CCDC69: variants seen among roughly 807,000 people sequenced by gnomAD.
The protein encoded by CCDC69 is coiled-coil domain-containing protein 69.
In CCDC69, 38 loss-of-function variants were observed where a neutral mutation model predicts 40.3. That is an observed-to-expected ratio of 0.94 (90% CI 0.73 to 1.24). The LOEUF (loss-of-function observed/expected upper bound fraction) is 1.24, where lower values mean the gene tolerates loss of function less well. Among genes scored for constraint, CCDC69 ranks in the 50% most tolerant of loss-of-function variants. The probability of loss-of-function intolerance (pLI) is 0.00; values close to 1 mark genes in which losing one functional copy is unlikely to be tolerated. For missense variants in CCDC69, 389 were observed against 357.9 expected (o/e 1.09, Z -0.70); for synonymous variants, 141 against 138.9 (o/e 1.02, Z -0.11).
chr5:151,204,423 C>T (rs1446729645), intron 2 of CCDC69, among the ~76,000 whole-genome samples: 1 of 152,214 alleles, frequency 6.6e-6, no homozygotes, highest in Non-Finnish European at 1.5e-5. Context: ...TCCCAACAGC[C>T]TCTAGGCTGT....
At chr5:151,212,887 C>T in intron 1 of CCDC69, 1 of 456,200 alleles carries the variant, frequency 2.2e-6, no homozygotes, top group Non-Finnish European at 4.4e-6. Context: ...CCATCACAAA[C>T]TGGTAGGCTG....
intron 2 of CCDC69, among the ~76,000 whole-genome samples, 196 bp downstream of exon 2, chr5:151,205,204 G>A (rs1313207591): frequency 6.6e-6 from 1 of 152,116 alleles, no homozygotes; most frequent in Non-Finnish European, 1.5e-5. Flanking sequence ...CACTCTAGGT[G>A]TGGTATCAAC....
chr5:151,224,044 T>C lies in CCDC69; in HGVS notation c.-74A>G. The C allele has an allele frequency of 2.2e-6, 3 of 1,343,142 alleles. No individual in the cohort carries two copies. The highest frequency in any genetic ancestry group is 3.0e-6 in the Non-Finnish European group (3 of 998,456). 83.2% of individuals were successfully genotyped at this position (1,343,142 alleles called of 1,614,324 possible). A position where few individuals can be genotyped will look rare whatever the true frequency, so the allele number is the denominator to read the frequency against. Reference sequence around the variant, plus strand: ...GAGGAGCCTGCGATCCGGGCCCCGCTGCCCGCTCCGCGCCCGCCGGCTGGG... The same window carrying C: ...GAGGAGCCTGCGATCCGGGCCCCGCCGCCCGCTCCGCGCCCGCCGGCTGGG... On this transcript the variant is annotated 5_prime_UTR_variant, in exon 1 of 9. Transcript: ENST00000355417.
At chr5:151,220,913 C>T (rs1315994039) in intron 1 of CCDC69, among the ~76,000 whole-genome samples, 11 of 152,148 alleles carry the variant, frequency 7.2e-5, no homozygotes, top group Non-Finnish European at 1.3e-4. Flanking sequence ...TTGACCCCTA[C>T]CCACTCTGCC....
chr5:151,219,323 G>GC (rs1432210523), intron 1 of CCDC69, among the ~76,000 whole-genome samples: 1 of 146,320 alleles, frequency 6.8e-6, no homozygotes, highest in African/African-American at 2.5e-5. Context: ...CCTAACCCCC[G>GC]CCCCCCTTCT....
intron 2 of CCDC69, 38 bp downstream of exon 2, chr5:151,205,362 A>C: frequency 6.7e-7 from 1 of 1,496,490 alleles, no homozygotes; most frequent in South Asian, 1.1e-5. Flanking sequence ...GGAACCTCAC[A>C]GATGGCAGTT....
chr5:151,198,973 C>T lies in CCDC69; in HGVS notation c.319+24G>A, dbSNP rs758711714. The T allele has an allele frequency of 2.5e-6, 4 of 1,592,870 alleles. No homozygotes were observed. The South Asian group carries it at 4.4e-5, about 18-fold the overall frequency. ...AAGGAAGCACCCCCCACCACCTTGG[C>T]CAGTGGAACATCTCTACCCTTACCT... is the stretch of plus-strand genomic sequence containing the variant. On this transcript the variant is annotated intron_variant, in intron 4 of 8. Coordinates refer to ENST00000355417, the MANE Select transcript of CCDC69 (RefSeq NM_015621.3).
At chr5:151,219,451 G>A (rs1219119010) in intron 1 of CCDC69, among the ~76,000 whole-genome samples, 3 of 152,088 alleles carry the variant, frequency 2.0e-5, no homozygotes, top group East Asian at 1.9e-4. Context: ...ACCAGGGTAG[G>A]AGTGCAGACT....
chr5:151,210,009 C>CCATA (rs995378873), intron 1 of CCDC69, among the ~76,000 whole-genome samples: 11 of 152,272 alleles, frequency 7.2e-5, no homozygotes, highest in African/African-American at 2.2e-4. Context: ...AGAGAGAACC[C>CCATA]CATAACCTGG....
At chr5:151,194,244 T>C (rs556324016) in intron 4 of CCDC69, among the ~76,000 whole-genome samples, 15 of 152,332 alleles carry the variant, frequency 9.8e-5, no homozygotes, top group Non-Finnish European at 1.3e-4. Context: ...ACACAAAGCC[T>C]GCACATGAAT....
rs1026327908 is a variant in CCDC69 at position 151,224,057 on chromosome 5, C to G, written c.-87G>C. On this transcript the variant is annotated 5_prime_UTR_variant, in exon 1 of 9. Coordinates refer to ENST00000355417, the MANE Select transcript of CCDC69 (RefSeq NM_015621.3). ...TCCGGGCCCCGCTGCCCGCTCCGCGCCCGCCGGCTGGGGCTGCCGGCGAGA... is the reference window on the plus strand; with the variant it reads ...TCCGGGCCCCGCTGCCCGCTCCGCGGCCGCCGGCTGGGGCTGCCGGCGAGA... 1 of 1,247,432 alleles carries G rather than the reference C, an allele frequency of 8.0e-7. No individual in the cohort carries two copies. Among genetic ancestry groups the G allele is most frequent in the African/African-American group, 1.6e-5 (1 of 62,658 alleles). The allele number at this position is 1,247,432 out of a possible 1,614,324, so 77.3% of individuals were successfully genotyped here.
intron 1 of CCDC69, among the ~76,000 whole-genome samples, chr5:151,215,080 G>GT (rs1561605223): frequency 6.6e-6 from 1 of 152,230 alleles, no homozygotes; most frequent in Non-Finnish European, 1.5e-5. Flanking sequence ...GGGTCAGCCT[G>GT]GCAGGCAGGA....
chr5:151,217,486 C>T (rs1471839830), intron 1 of CCDC69, among the ~76,000 whole-genome samples: 5 of 152,206 alleles, frequency 3.3e-5, no homozygotes, highest in East Asian at 1.9e-4. Flanking sequence ...CAAATTACCA[C>T]GCACTTGGTG....
intron 3 of CCDC69, 41 bp from the exon 4 acceptor site, chr5:151,199,125 G>T: frequency 1.3e-6 from 2 of 1,510,918 alleles, no homozygotes; most frequent in Non-Finnish European, 1.8e-6. Context: ...GATTGAGCAG[G>T]ATCAGCACAG....
At chr5:151,220,979 C>T (rs969670038) in intron 1 of CCDC69, among the ~76,000 whole-genome samples, 1 of 152,138 alleles carries the variant, frequency 6.6e-6, no homozygotes, top group Admixed American at 6.5e-5. Flanking sequence ...TGGTCTTTGC[C>T]AAGAAGAAGG....
At chr5:151,184,498 CTGT>C in intron 7 of CCDC69, 57 bp from the exon 8 acceptor site, 1 of 1,066,132 alleles carries the variant, frequency 9.4e-7, no homozygotes, top group Non-Finnish European at 1.5e-6. Context: ...ACGATGTGTG[CTGT>C]CACCTCCCTC....
chr5:151,217,846 T>C (rs889143924), intron 1 of CCDC69, among the ~76,000 whole-genome samples: 1 of 152,140 alleles, frequency 6.6e-6, no homozygotes, highest in African/African-American at 2.4e-5. Context: ...AATGTAAATG[T>C]AGGAGGGGAC....
chr5:151,196,403 C>A (rs941411986), intron 4 of CCDC69, among the ~76,000 whole-genome samples: 3 of 152,102 alleles, frequency 2.0e-5, no homozygotes, highest in Admixed American at 1.3e-4. Flanking sequence ...GTGATACACC[C>A]GCCTCGGCCT....
chr5:151,195,302 A>ATAAAG (rs758308292), intron 4 of CCDC69, among the ~76,000 whole-genome samples: 9 of 152,244 alleles, frequency 5.9e-5, no homozygotes, highest in Non-Finnish European at 1.3e-4. Context: ...TGCTTGGAGA[A>ATAAAG]TAAAGTTGTT....
Sources: allele counts gnomAD v4.1 joint callset (sites outside exome capture counted in the v4.1 genomes callset), GRCh38; gene constraint gnomAD v4.1.1; transcripts MANE v1.5; gene names NCBI Gene and HGNC (gene_info 2026-07-23, HGNC 2026-07-21).